The following OLFM3 variants were observed in gnomAD, a reference collection of about 807,000 sequenced individuals.
OLFM3 encodes the protein olfactomedin 3.
Under a neutral mutation model 48.6 loss-of-function variants are expected in OLFM3, and 20 were observed. The observed-to-expected ratio is 0.41, with a 90% CI of 0.29 to 0.60. The LOEUF is 0.60. Ranked by LOEUF, OLFM3 falls within the 20% of genes least tolerant of loss-of-function variation. The pLI, the probability that OLFM3 is intolerant of heterozygous loss-of-function variation, is 0.28. For missense variants in OLFM3, 437 were observed against 544.3 expected (o/e 0.80, Z 1.96); for synonymous variants, 222 against 198.1 (o/e 1.12, Z -1.01).
intron 1 of OLFM3, 35 bp downstream of exon 1, chr1:101,996,713 T>C (rs923318529): frequency 6.2e-7 from 1 of 1,607,726 alleles, no homozygotes; most frequent in Non-Finnish European, 8.5e-7. Context: ...ATATTGCACA[T>C]TTATTTCAAA....
At chr1:101,876,708 T>C (rs1657314593) in intron 1 of OLFM3, among the ~76,000 whole-genome samples, 1 of 152,014 alleles carries the variant, frequency 6.6e-6, no homozygotes, top group African/African-American at 2.4e-5. Context: ...AGCTTTTTTA[T>C]ACTTCATTTT....
chr1:101,874,978 G>C (rs1657241519), intron 1 of OLFM3, among the ~76,000 whole-genome samples: 1 of 151,892 alleles, frequency 6.6e-6, no homozygotes, highest in African/African-American at 2.4e-5. Flanking sequence ...TAGACTCTCT[G>C]AGTCACAATG....
chr1:101,989,546 G>A (rs925910346), intron 1 of OLFM3, among the ~76,000 whole-genome samples: 6 of 109,748 alleles, frequency 5.5e-5, no homozygotes, highest in Admixed American at 8.8e-5. Context: ...ATAGTTGTTC[G>A]TGAGTGGGGT....
intron 4 of OLFM3, among the ~76,000 whole-genome samples, chr1:101,807,322 C>A (rs1653823429): frequency 6.6e-6 from 1 of 151,696 alleles, no homozygotes. Flanking sequence ...AAACAAAAGT[C>A]TTCTTTCTTG....
intron 2 of OLFM3, among the ~76,000 whole-genome samples, chr1:101,835,887 A>G (rs1026319079): frequency 6.6e-6 from 1 of 152,182 alleles, no homozygotes; most frequent in Non-Finnish European, 1.5e-5. Flanking sequence ...GAGGAAACTT[A>G]TTTTCACTAT....
chr1:101,887,541 C>T (rs961752746), intron 1 of OLFM3, among the ~76,000 whole-genome samples: 3 of 151,946 alleles, frequency 2.0e-5, no homozygotes, highest in African/African-American at 7.2e-5. Flanking sequence ...TAGGACATCT[C>T]TTAATTCAGT....
At chr1:101,825,962 C>T (rs1385973969) in intron 3 of OLFM3, among the ~76,000 whole-genome samples, 3 of 152,158 alleles carry the variant, frequency 2.0e-5, no homozygotes, top group Non-Finnish European at 4.4e-5. Flanking sequence ...ATTACCTGTA[C>T]TTCGACTCCA....
intron 1 of OLFM3, among the ~76,000 whole-genome samples, chr1:101,985,782 A>C (rs1661217506): frequency 6.6e-6 from 1 of 152,172 alleles, no homozygotes; most frequent in Non-Finnish European, 1.5e-5. Context: ...ATAAGCTTAT[A>C]TATTTTTGTA....
rs1038990125 is a variant in OLFM3 at position 101,802,565 on chromosome 1, C to A, written c.*1673G>T. 3 of 151,544 alleles carry A rather than the reference C, an allele frequency of 2.0e-5. No homozygotes were observed. The highest frequency in any genetic ancestry group is 7.3e-5 in the African/African-American group (3 of 41,326). The allele number at this position is 151,544 out of a possible 1,614,324, so 9.4% of individuals were successfully genotyped here. ...GGCAAAAAAAGAAATCATTGTTAAA[C>A]CTTGACAGTTTCAAGATTGGGTTAT... On this transcript the variant is annotated 3_prime_UTR_variant, in exon 6 of 6. Coordinates refer to ENST00000370103, the MANE Select transcript of OLFM3 (RefSeq NM_058170.4).
chr1:101,917,216 T>C (rs895081278), intron 1 of OLFM3, among the ~76,000 whole-genome samples: 5 of 152,168 alleles, frequency 3.3e-5, no homozygotes, highest in African/African-American at 1.2e-4. Flanking sequence ...TAAATTGCAG[T>C]ATCATCTGTT....
intron 1 of OLFM3, among the ~76,000 whole-genome samples, chr1:101,934,806 T>C (rs1659560703): frequency 6.6e-6 from 1 of 151,196 alleles, no homozygotes. Flanking sequence ...AAATCAATAC[T>C]AAGAAAACCA....
chr1:101,875,132 G>T (rs952539553), intron 1 of OLFM3, among the ~76,000 whole-genome samples: 1 of 151,954 alleles, frequency 6.6e-6, no homozygotes, highest in African/African-American at 2.4e-5. Flanking sequence ...AAATGATTCT[G>T]TATAAACAGA....
intron 1 of OLFM3, among the ~76,000 whole-genome samples, chr1:101,880,513 T>C (rs1178940786): frequency 1.3e-5 from 2 of 151,820 alleles, no homozygotes; most frequent in African/African-American, 4.8e-5. Context: ...TATGATAAAC[T>C]GTATGTAGTT....
rs978197647 is a variant in OLFM3, at chr1:101,824,511, G to A, written c.592+515C>T. 2.2e-4 allele frequency among the ~76,000 whole-genome samples: 33 copies of A among 152,034 alleles called. 1 individual carries two copies. The highest frequency in any genetic ancestry group is 1.5e-5 in the Non-Finnish European group (1 of 67,992). On this transcript the variant is annotated intron_variant, in intron 4 of 5. Coordinates refer to ENST00000370103, the MANE Select transcript of OLFM3 (RefSeq NM_058170.4). ...AGTAGCTGCCACCTTTTCATTTCTT[G>A]AGTAGATCAGAGCAGTTGATGGCAA...
At chr1:101,979,817 T>C (rs1661056308) in intron 1 of OLFM3, among the ~76,000 whole-genome samples, 1 of 152,170 alleles carries the variant, frequency 6.6e-6, no homozygotes, top group South Asian at 2.1e-4. Context: ...CCCCAACGGC[T>C]TGTACTGTGC....
intron 1 of OLFM3, among the ~76,000 whole-genome samples, chr1:101,850,560 C>T (rs1372256166): frequency 4.0e-5 from 6 of 151,488 alleles, no homozygotes; most frequent in Admixed American, 6.6e-5. Context: ...TATATATTTC[C>T]TAGTTTGGGA....
chr1:101,957,792 C>T (rs1348918423), intron 1 of OLFM3, among the ~76,000 whole-genome samples: 2 of 151,934 alleles, frequency 1.3e-5, no homozygotes, highest in East Asian at 1.9e-4. Flanking sequence ...TAACCAATTC[C>T]AAGCATCAGA....
At chr1:101,950,332 A>T (rs1329258399) in intron 1 of OLFM3, among the ~76,000 whole-genome samples, 1 of 152,204 alleles carries the variant, frequency 6.6e-6, no homozygotes, top group African/African-American at 2.4e-5. Context: ...ATGACTTTAG[A>T]GTATAAAATA....
At chr1:101,917,685 G>C (rs1658970524) in intron 1 of OLFM3, among the ~76,000 whole-genome samples, 1 of 152,132 alleles carries the variant, frequency 6.6e-6, no homozygotes, top group Non-Finnish European at 1.5e-5. Flanking sequence ...CCAAAATGCT[G>C]GGATTATGGG....
Sources: gnomAD v4.1 joint callset for allele counts (sites outside exome capture counted in the v4.1 genomes callset) on GRCh38, gnomAD v4.1.1 for gene constraint, MANE v1.5 for transcripts, NCBI Gene and HGNC (gene_info 2026-07-23, HGNC 2026-07-21) for gene names.